NCK2: variants seen among roughly 807,000 people sequenced by gnomAD.
NCK2 encodes the protein cytoplasmic protein NCK2.
Under a neutral mutation model 33.9 loss-of-function variants are expected in NCK2, and 16 were observed. That is an observed-to-expected ratio of 0.47 (90% CI 0.32 to 0.72). NCK2 has a LOEUF of 0.72. Ranked by LOEUF, NCK2 falls within the 30% of genes least tolerant of loss-of-function variation. NCK2 has a pLI of 0.03. For synonymous variants in NCK2, 273 were observed against 239.9 expected, an observed-to-expected ratio of 1.14 and a Z score of -1.27; for missense variants, 418 against 537.3, an observed-to-expected ratio of 0.78 and a Z score of 2.19.
At chr2:105,747,856 C>T (rs1573546349) in intron 1 of NCK2, among the ~76,000 whole-genome samples, 1 of 152,164 alleles carries the variant, frequency 6.6e-6, no homozygotes, top group South Asian at 2.1e-4. Flanking sequence ...AGAAGAAGGT[C>T]GTGACGGCCT....
chr2:105,820,326 A>C (rs1305722549), intron 2 of NCK2, among the ~76,000 whole-genome samples: 2 of 152,224 alleles, frequency 1.3e-5, no homozygotes. Flanking sequence ...GCATGTCAGA[A>C]AGAAGTGAAA....
chr2:105,809,569 T>G (rs751531697), intron 1 of NCK2, among the ~76,000 whole-genome samples: 5 of 152,150 alleles, frequency 3.3e-5, no homozygotes, highest in Non-Finnish European at 5.9e-5. Flanking sequence ...TTTAACCACC[T>G]CTTTAAAGAC....
chr2:105,779,755 C>T (rs7562892), intron 1 of NCK2, among the ~76,000 whole-genome samples: 71,490 of 151,908 alleles, frequency 0.47, 17,814 homozygotes, highest in African/African-American at 0.63. Context: ...TGATTTAAAA[C>T]GCACACTCAC....
intron 1 of NCK2, among the ~76,000 whole-genome samples, chr2:105,796,506 G>T (rs1691086471): frequency 6.6e-6 from 1 of 152,144 alleles, no homozygotes; most frequent in African/African-American, 2.4e-5. Context: ...GGTATTATTG[G>T]CACCGGTTGC....
intron 3 of NCK2, among the ~76,000 whole-genome samples, chr2:105,862,309 A>G (rs1677572296): frequency 6.6e-6 from 1 of 152,176 alleles, no homozygotes; most frequent in Non-Finnish European, 1.5e-5. Flanking sequence ...GACCCAGGTT[A>G]GTCGAGTAGT....
intron 3 of NCK2, among the ~76,000 whole-genome samples, chr2:105,861,963 C>A (rs981697168): frequency 6.7e-6 from 1 of 148,270 alleles, no homozygotes; most frequent in Non-Finnish European, 1.5e-5. Flanking sequence ...CCCTTTCTTC[C>A]ACCTGCATAA....
At chr2:105,776,163 T>A (rs1690291853) in intron 1 of NCK2, among the ~76,000 whole-genome samples, 1 of 152,140 alleles carries the variant, frequency 6.6e-6, no homozygotes, top group Non-Finnish European at 1.5e-5. Flanking sequence ...CTCAGTGCTC[T>A]GCCCTGCCAT....
chr2:105,844,257 A>G (rs751987233), intron 2 of NCK2, among the ~76,000 whole-genome samples: 62 of 152,162 alleles, frequency 4.1e-4, no homozygotes, highest in Non-Finnish European at 1.6e-4. Context: ...AACTAAATGT[A>G]GTGTGGGATC....
At chr2:105,819,188 A>G (rs1024427426) in intron 2 of NCK2, among the ~76,000 whole-genome samples, 6 of 152,084 alleles carry the variant, frequency 3.9e-5, no homozygotes, top group African/African-American at 1.4e-4. Flanking sequence ...GGGTCCCCTC[A>G]TGCATTCATA....
intron 1 of NCK2, among the ~76,000 whole-genome samples, chr2:105,785,599 A>G (rs948752996): frequency 1.3e-5 from 2 of 152,208 alleles, no homozygotes; most frequent in East Asian, 1.9e-4. Flanking sequence ...CCAATCTCCA[A>G]TAGCACCAAT....
At chr2:105,855,966 C>G (rs1307418972) in intron 3 of NCK2, among the ~76,000 whole-genome samples, 1 of 152,112 alleles carries the variant, frequency 6.6e-6, no homozygotes, top group African/African-American at 2.4e-5. Context: ...TCCCGAGTAG[C>G]TGGGACTACA....
Position 105,748,775 on chromosome 2 carries a change from A to T in NCK2, c.-201+3637A>T, listed in dbSNP as rs186434488. ...TAGATTCTGAACCGCTTGGGGGCAG[A>T]CTGGTCTTGCCACTTATACACAATG... On this transcript the variant is annotated intron_variant, in intron 1 of 4. Coordinates refer to ENST00000233154, the MANE Select transcript of NCK2 (RefSeq NM_003581.5). Among the ~76,000 whole-genome samples, 353 of 152,098 alleles carry T rather than the reference A, an allele frequency of 2.3e-3. 2 individuals are homozygous for T. The highest frequency in any genetic ancestry group is 3.8e-3 in the Admixed American group (58 of 15,272).
chr2:105,774,617 G>GCA (rs1690244303), intron 1 of NCK2, among the ~76,000 whole-genome samples: 1 of 152,150 alleles, frequency 6.6e-6, no homozygotes, highest in Admixed American at 6.6e-5. Flanking sequence ...GCTGGGGAAG[G>GCA]CACACACACA....
chr2:105,806,564 G>C (rs1675054087), intron 1 of NCK2, among the ~76,000 whole-genome samples: 1 of 152,142 alleles, frequency 6.6e-6, no homozygotes, highest in African/African-American at 2.4e-5. Context: ...TTCATCAGTG[G>C]ACACTTAGAT....
At chr2:105,763,023 C>T (rs1573562797) in intron 1 of NCK2, among the ~76,000 whole-genome samples, 5 of 152,076 alleles carry the variant, frequency 3.3e-5, no homozygotes, top group African/African-American at 1.2e-4. Context: ...AGTGAAACCC[C>T]GTCTCTACTA....
intron 1 of NCK2, among the ~76,000 whole-genome samples, chr2:105,780,334 AC>A (rs1690449270): frequency 1.1e-5 from 1 of 92,052 alleles, no homozygotes; most frequent in Non-Finnish European, 2.0e-5. Context: ...ATACACACAC[AC>A]ACACACACAC....
At chr2:105,871,710 G>A (rs1362420742) in intron 3 of NCK2, among the ~76,000 whole-genome samples, 2 of 152,078 alleles carry the variant, frequency 1.3e-5, no homozygotes, top group Non-Finnish European at 2.9e-5. Flanking sequence ...GGCCAGGCTG[G>A]TCTTGAACTC....
intron 2 of NCK2, among the ~76,000 whole-genome samples, chr2:105,828,267 A>G (rs747265944): frequency 6.6e-6 from 1 of 152,204 alleles, no homozygotes; most frequent in South Asian, 2.1e-4. Flanking sequence ...GCACCGTTCA[A>G]GATTGCTGAA....
intron 2 of NCK2, among the ~76,000 whole-genome samples, chr2:105,852,383 G>A (rs1677102306): frequency 6.6e-6 from 1 of 152,130 alleles, no homozygotes. Context: ...TCCCATCTAA[G>A]GCTCGGAAGA....
Sources: allele counts gnomAD v4.1 joint callset (sites outside exome capture counted in the v4.1 genomes callset), GRCh38; gene constraint gnomAD v4.1.1; transcripts MANE v1.5; gene names NCBI Gene and HGNC (gene_info 2026-07-23, HGNC 2026-07-21).